Variants in ZRANB3 observed in about 807,000 individuals in gnomAD.
ZRANB3 encodes the protein DNA annealing helicase and endonuclease ZRANB3.
ZRANB3 carries 125 observed loss-of-function variants against 133.8 expected under a neutral mutation model. That is an observed-to-expected ratio of 0.93 (90% CI 0.81 to 1.08). The LOEUF is 1.08. Ranked by LOEUF, ZRANB3 falls within the 50% of genes least tolerant of loss-of-function variation. The pLI, the probability that ZRANB3 is intolerant of heterozygous loss-of-function variation, is 0.00. For missense variants in ZRANB3, 1,229 were observed against 1,275.5 expected (o/e 0.96, Z 0.56); for synonymous variants, 387 against 432.7 (o/e 0.89, Z 1.31).
chr2:135,507,591 A>G (rs1693245370), intron 1 of ZRANB3, among the ~76,000 whole-genome samples: 1 of 152,110 alleles, frequency 6.6e-6, no homozygotes, highest in Non-Finnish European at 1.5e-5. Flanking sequence ...AGGGTGGAAC[A>G]CTGGCAAGAA....
chr2:135,308,256 G>T (rs549289384), intron 8 of ZRANB3, among the ~76,000 whole-genome samples: 1 of 152,134 alleles, frequency 6.6e-6, no homozygotes, highest in Non-Finnish European at 1.5e-5. Flanking sequence ...GAGTCCAACA[G>T]GGTTTCCTGC....
In ZRANB3 at chr2:135,382,694, C is replaced by T. The variant is rs974762277; in HGVS notation, c.180+8108G>A. 9.9e-5 allele frequency among the ~76,000 whole-genome samples: 15 copies of T among 150,862 alleles called. No homozygotes were observed. In the East Asian group the frequency reaches 1.6e-3, roughly 16 times the overall value. On this transcript the variant is annotated intron_variant, in intron 3 of 20. Coordinates refer to ENST00000264159, the MANE Select transcript of ZRANB3 (RefSeq NM_032143.4). ...GACTGGGGGCCAATATTCAACATTCCTAAAGAAAAGAATTTTCAACCCAGA... is the reference window on the plus strand; with the variant it reads ...GACTGGGGGCCAATATTCAACATTCTTAAAGAAAAGAATTTTCAACCCAGA...
intron 19 of ZRANB3, among the ~76,000 whole-genome samples, chr2:135,206,425 A>G (rs896924120): frequency 6.6e-6 from 1 of 151,800 alleles, no homozygotes; most frequent in African/African-American, 2.4e-5. Context: ...CTTTTAGTAG[A>G]GATGGGGTTT....
chr2:135,260,584 T>C (rs2105106272), intron 12 of ZRANB3, among the ~76,000 whole-genome samples: 1 of 148,604 alleles, frequency 6.7e-6, no homozygotes, highest in African/African-American at 2.4e-5. Flanking sequence ...TTCAAGTATA[T>C]ATATATTCAA....
At chr2:135,232,816 A>C (rs1034582988) in intron 12 of ZRANB3, among the ~76,000 whole-genome samples, 1 of 152,182 alleles carries the variant, frequency 6.6e-6, no homozygotes, top group Non-Finnish European at 1.5e-5. Context: ...TCAAAGACCA[A>C]AGGTAGATAA....
chr2:135,207,519 A>T lies in ZRANB3; in HGVS notation c.2924T>A (p.Leu975His), dbSNP rs746835208. The change falls in exon 19 of 21, where the codon CTC (leucine) becomes CAC (histidine). Residue 975 changes from leucine (L) to histidine (H), a missense_variant. Transcript: ENST00000264159. ...AGGGGCATCTCTCAGACGTAAAAAG[A>T]GTTCTTGTGCGTTCACATTACAGAG... is the stretch of plus-strand genomic sequence containing the variant. The part of the protein sequence containing the change: ...CQLCNVNAQE[L>H]FLRLRDAPKS... 37 of 1,613,928 alleles carry T rather than the reference A, an allele frequency of 2.3e-5. No homozygotes were observed. Among genetic ancestry groups the T allele is most frequent in the Non-Finnish European group, 2.9e-5 (34 of 1,179,910 alleles).
At chr2:135,408,862 T>C (rs916153016) in intron 2 of ZRANB3, among the ~76,000 whole-genome samples, 1 of 151,974 alleles carries the variant, frequency 6.6e-6, no homozygotes, top group African/African-American at 2.4e-5. Context: ...CATTTGGAGA[T>C]ATATCTAATG....
chr2:135,518,415 T>C (rs72986499), intron 1 of ZRANB3, among the ~76,000 whole-genome samples: 29,672 of 152,066 alleles, frequency 0.2, 3,953 homozygotes, highest in African/African-American at 0.35. Flanking sequence ...TCCTGGTCTG[T>C]GGGTTACGAA....
At chr2:135,218,293 A>G (rs1324989864) in intron 16 of ZRANB3, among the ~76,000 whole-genome samples, 1 of 152,194 alleles carries the variant, frequency 6.6e-6, no homozygotes, top group Non-Finnish European at 1.5e-5. Flanking sequence ...GCAACATCTG[A>G]GAATTGCTTC....
intron 1 of ZRANB3, chr2:135,510,464 C>A (rs1693403024): frequency 2.0e-6 from 1 of 510,420 alleles, no homozygotes; most frequent in Non-Finnish European, 3.6e-6. Context: ...GGTCATACTC[C>A]AAGATACCAA....
intron 2 of ZRANB3, among the ~76,000 whole-genome samples, chr2:135,427,252 T>C (rs1170426139): frequency 1.3e-5 from 2 of 151,942 alleles, no homozygotes; most frequent in Non-Finnish European, 2.9e-5. Flanking sequence ...AGCATCCACG[T>C]AGGAAGAGAA....
At chr2:135,424,908 G>A (rs1437828659) in intron 2 of ZRANB3, among the ~76,000 whole-genome samples, 1 of 152,088 alleles carries the variant, frequency 6.6e-6, no homozygotes, top group African/African-American at 2.4e-5. Flanking sequence ...CCAGAAAAAG[G>A]TTTCACACAA....
chr2:135,271,153 C>G (rs992687393), intron 10 of ZRANB3: 1 of 299,178 alleles, frequency 3.3e-6, no homozygotes, highest in African/African-American at 2.2e-5. Flanking sequence ...ATAAGACATA[C>G]TTGCTAAGAG....
chr2:135,507,205 T>G (rs1366100812), intron 1 of ZRANB3, among the ~76,000 whole-genome samples: 1 of 152,112 alleles, frequency 6.6e-6, no homozygotes, highest in African/African-American at 2.4e-5. Flanking sequence ...AGTGATGCAA[T>G]TGGCTGGGAT....
chr2:135,205,774 T>G (rs1243024543), intron 19 of ZRANB3, among the ~76,000 whole-genome samples: 6 of 152,238 alleles, frequency 3.9e-5, no homozygotes, highest in African/African-American at 1.4e-4. Flanking sequence ...GTATTAAAAT[T>G]ACATTTTTCA....
At chr2:135,383,796 G>A (rs983460036) in intron 3 of ZRANB3, among the ~76,000 whole-genome samples, 6 of 152,060 alleles carry the variant, frequency 3.9e-5, no homozygotes, top group Admixed American at 6.5e-5. Context: ...TGAAACCAAC[G>A]AGAACAAAGA....
intron 2 of ZRANB3, among the ~76,000 whole-genome samples, chr2:135,414,431 C>A (rs1574067409): frequency 6.6e-6 from 1 of 152,146 alleles, no homozygotes. Context: ...GCACCCAATA[C>A]AGGAGCATCC....
At chr2:135,214,504 G>A (rs1694227441) in intron 17 of ZRANB3, among the ~76,000 whole-genome samples, 1 of 152,108 alleles carries the variant, frequency 6.6e-6, no homozygotes, top group African/African-American at 2.4e-5. Context: ...GGTCATCCAT[G>A]TCCGATGGAG....
intron 6 of ZRANB3, among the ~76,000 whole-genome samples, chr2:135,344,355 A>G (rs1684825942): frequency 6.6e-6 from 1 of 152,262 alleles, no homozygotes; most frequent in Admixed American, 6.5e-5. Context: ...TCATTGCTGC[A>G]TTGTATGCAC....
Sources: gnomAD v4.1 joint callset for allele counts (sites outside exome capture counted in the v4.1 genomes callset) on GRCh38, gnomAD v4.1.1 for gene constraint, MANE v1.5 for transcripts, NCBI Gene and HGNC (gene_info 2026-07-23, HGNC 2026-07-21) for gene names.